Variants in ZMYM2 observed in about 807,000 individuals in gnomAD.
ZMYM2 encodes the protein zinc finger MYM-type protein 2.
In ZMYM2, 56 loss-of-function variants were observed where a neutral mutation model predicts 162.8. That is an observed-to-expected ratio of 0.34 (90% CI 0.28 to 0.43). ZMYM2 has a LOEUF of 0.43. ZMYM2 is among the 20% of genes least tolerant of loss of function. ZMYM2 has a pLI of 1.00. For synonymous variants in ZMYM2, 510 were observed against 541.6 expected, an observed-to-expected ratio of 0.94 and a Z score of 0.81; for missense variants, 1,275 against 1,621.8, an observed-to-expected ratio of 0.79 and a Z score of 3.67.
chr13:19,918,551 T>C, the ZMYM2 span, among the ~76,000 whole-genome samples: 1 of 140,256 alleles, frequency 7.1e-6, no homozygotes. Flanking sequence ...CATGCTGGAG[T>C]GCAGTGGCAT....
chr13:19,917,794 G>A, the ZMYM2 span, among the ~76,000 whole-genome samples: 3 of 152,112 alleles, frequency 2.0e-5, no homozygotes, highest in African/African-American at 4.8e-5. Context: ...AGATGTCTTG[G>A]CTCATGCCTG....
chr13:19,920,584 G>A, the ZMYM2 span, among the ~76,000 whole-genome samples: 1 of 151,864 alleles, frequency 6.6e-6, no homozygotes, highest in Admixed American at 6.6e-5. Context: ...TGATTAAGGG[G>A]AAAGAGGAGG....
At position 20,083,770 on chromosome 13, in the gene ZMYM2, C is replaced by A; in HGVS notation, c.3935C>A (p.Ser1312Tyr). 6.2e-7 allele frequency: 1 copy of A among 1,602,846 alleles called. No homozygotes were observed. Among genetic ancestry groups the A allele is most frequent in the South Asian group, 1.1e-5 (1 of 88,606 alleles). The change falls in exon 24 of 25, where the codon TCT (serine) becomes TAT (tyrosine). Residue 1312 changes from serine (S) to tyrosine (Y), a missense_variant. By Grantham distance (144) the Ser-to-Tyr change is moderately radical. Transcript: ENST00000610343. ...GTGAAAATGTTTGAATGCTACTTGTCTAAAAGGTGAGTGTTAATGATACTT... is the reference window on the plus strand; with the variant it reads ...GTGAAAATGTTTGAATGCTACTTGTATAAAAGGTGAGTGTTAATGATACTT... Reference protein sequence around the residue: ...CPVKMFECYLSKSPQNLNQRM... With the variant: ...CPVKMFECYLYKSPQNLNQRM...
chr13:20,007,855 A>G (rs1003808191), intron 6 of ZMYM2, among the ~76,000 whole-genome samples: 1 of 152,174 alleles, frequency 6.6e-6, no homozygotes, highest in East Asian at 1.9e-4. Flanking sequence ...TCCTGAGCTC[A>G]AGTGGTCTCC....
At chr13:20,063,801 A>G (rs1157846267) in intron 18 of ZMYM2, among the ~76,000 whole-genome samples, 1 of 12,214 alleles carries the variant, frequency 8.2e-5, no homozygotes, top group Non-Finnish European at 4.5e-4. Flanking sequence ...TATATAAAAA[A>G]TATATAATAT....
intron 6 of ZMYM2, among the ~76,000 whole-genome samples, chr13:20,017,919 A>G (rs758134721): frequency 6.6e-6 from 1 of 152,014 alleles, no homozygotes; most frequent in Admixed American, 6.6e-5. Context: ...GTCCTTTTCT[A>G]TTTAAATTCT....
the ZMYM2 span, among the ~76,000 whole-genome samples, chr13:19,895,754 C>T: frequency 1.4e-4 from 21 of 151,774 alleles, no homozygotes; most frequent in African/African-American, 5.1e-4. Flanking sequence ...TTGGAGGGTA[C>T]ATTCAAACCT....
chr13:20,015,813 G>A (rs1475223065), intron 6 of ZMYM2, among the ~76,000 whole-genome samples: 1 of 151,932 alleles, frequency 6.6e-6, no homozygotes, highest in Non-Finnish European at 1.5e-5. Context: ...CTTAGTTACT[G>A]TTTATTTGTG....
chr13:19,957,198 G>A (rs9552049), upstream of ZMYM2, among the ~76,000 whole-genome samples: 3 of 151,802 alleles, frequency 2.0e-5, no homozygotes, highest in Non-Finnish European at 2.9e-5. Flanking sequence ...TCCTCTGTAA[G>A]TTGCGTCTAT....
chr13:20,084,378 G>A (rs547214562), intron 24 of ZMYM2, among the ~76,000 whole-genome samples: 16 of 152,262 alleles, frequency 1.1e-4, no homozygotes, highest in African/African-American at 3.9e-4. Flanking sequence ...TTCTTAAACG[G>A]TCAGATGGTA....
chr13:19,891,429 G>A, the ZMYM2 span, among the ~76,000 whole-genome samples: 1 of 151,086 alleles, frequency 6.6e-6, no homozygotes, highest in East Asian at 1.9e-4. Context: ...TTCTAATATG[G>A]CACCCAGAGC....
At chr13:19,973,025 C>T (rs1183958239) in intron 2 of ZMYM2, among the ~76,000 whole-genome samples, 1 of 151,576 alleles carries the variant, frequency 6.6e-6, no homozygotes, top group Non-Finnish European at 1.5e-5. Flanking sequence ...CAACCTCTAC[C>T]TCCAGGGTTC....
chr13:19,886,508 T>C, the ZMYM2 span, among the ~76,000 whole-genome samples: 1 of 151,896 alleles, frequency 6.6e-6, no homozygotes. Context: ...GCATTAAACA[T>C]AGTACAGGTC....
intron 21 of ZMYM2, among the ~76,000 whole-genome samples, chr13:20,072,943 T>A (rs1353837085): frequency 6.6e-6 from 1 of 151,986 alleles, no homozygotes; most frequent in Non-Finnish European, 1.5e-5. Context: ...AAGTCTCACT[T>A]TGTCGCACAG....
chr13:20,027,228 T>C lies in ZMYM2; in HGVS notation c.1761T>C (p.Cys587=). Residue 587 remains cysteine (C), a synonymous_variant, in exon 9 of 25, where the codon TGT becomes TGC. Coordinates refer to ENST00000610343, the MANE Select transcript of ZMYM2 (RefSeq NM_197968.4). ...GTTTGGGAATTATTTGCCATTTTTGTAAGCGAAACTCTTTACCTCAATACC... is the reference window on the plus strand; with the variant it reads ...GTTTGGGAATTATTTGCCATTTTTGCAAGCGAAACTCTTTACCTCAATACC... ...SQSLGIICHF[C]KRNSLPQYQA... is the part of the protein sequence containing the mutation. 1 of 1,580,220 alleles carries C rather than the reference T, an allele frequency of 6.3e-7. No individual in the cohort carries two copies. Among genetic ancestry groups the C allele is most frequent in the South Asian group, 1.2e-5 (1 of 86,296 alleles).
chr13:19,924,943 G>C, the ZMYM2 span, among the ~76,000 whole-genome samples: 3 of 151,062 alleles, frequency 2.0e-5, no homozygotes, highest in Non-Finnish European at 4.4e-5. Context: ...GAGTGCAATG[G>C]CCGTGATCTT....
chr13:20,010,013 G>A (rs1462152076), intron 6 of ZMYM2, among the ~76,000 whole-genome samples: 2 of 152,148 alleles, frequency 1.3e-5, no homozygotes, highest in African/African-American at 2.4e-5. Context: ...ACCATTTTAT[G>A]TTCTCAGCAG....
At chr13:19,969,937 A>T in intron 2 of ZMYM2, 1 of 609,648 alleles carries the variant, frequency 1.6e-6, no homozygotes, top group Non-Finnish European at 2.1e-6. Context: ...AGTCTGTATT[A>T]GAGAAATAGA....
intron 10 of ZMYM2, among the ~76,000 whole-genome samples, chr13:20,033,598 C>T (rs1355655681): frequency 6.6e-6 from 1 of 152,184 alleles, no homozygotes; most frequent in Non-Finnish European, 1.5e-5. Flanking sequence ...TAGTCTGTAG[C>T]CTGCTCAATA....
Sources: gnomAD v4.1 joint callset for allele counts (sites outside exome capture counted in the v4.1 genomes callset) on GRCh38, gnomAD v4.1.1 for gene constraint, MANE v1.5 for transcripts, NCBI Gene and HGNC (gene_info 2026-07-23, HGNC 2026-07-21) for gene names.